N4BP2: variants seen among roughly 807,000 people sequenced by gnomAD.
N4BP2 encodes the protein NEDD4 binding protein 2, also known as NEDD4-binding protein 2.
N4BP2 carries 91 observed loss-of-function variants against 152.8 expected under a neutral mutation model. The ratio of observed to expected loss-of-function variants is 0.60; its 90% CI spans 0.50 to 0.71. N4BP2 has a LOEUF of 0.71. N4BP2 is among the 30% of genes least tolerant of loss of function. The pLI is 0.00. For missense variants in N4BP2, 1,923 were observed against 2,059.1 expected, an observed-to-expected ratio of 0.93 and a Z score of 1.28; for synonymous variants, 646 against 705.3, an observed-to-expected ratio of 0.92 and a Z score of 1.33.
intron 2 of N4BP2, among the ~76,000 whole-genome samples, chr4:40,093,184 T>G (rs1475842183): frequency 4.0e-5 from 6 of 151,758 alleles, no homozygotes; most frequent in Non-Finnish European, 7.4e-5. Flanking sequence ...CCTCAGGTGA[T>G]CCACCCGCCT....
At position 40,120,508 on chromosome 4, in the gene N4BP2, G is replaced by A; in HGVS notation, c.2397G>A (p.Gln799=). ...GDWPVDKTIG[Q]RTKRNRKTEK... ...GGCCAGTTGATAAGACTATTGGTCA[G>A]AGGACAAAAAGGAACAGAAAAACTG... Residue 799 remains glutamine, a synonymous_variant, in exon 9 of 18, where the codon CAG becomes CAA. Coordinates refer to ENST00000261435, the MANE Select transcript of N4BP2 (RefSeq NM_018177.6). 6.2e-7 allele frequency: 1 copy of A among 1,613,578 alleles called. No homozygotes were observed.
chr4:40,069,127 C>G (rs1319284731), intron 1 of N4BP2, among the ~76,000 whole-genome samples: 1 of 150,900 alleles, frequency 6.6e-6, no homozygotes, highest in Non-Finnish European at 1.5e-5. Flanking sequence ...CAAAAACAAA[C>G]AAAAACAAAA....
At chr4:40,181,081 C>T in the N4BP2 span, among the ~76,000 whole-genome samples, 1 of 152,142 alleles carries the variant, frequency 6.6e-6, no homozygotes, top group African/African-American at 2.4e-5. Context: ...ACCTGGGAGG[C>T]AGAGGTTGCA....
chr4:40,135,554 C>T (rs1221587530), intron 13 of N4BP2, among the ~76,000 whole-genome samples: 1 of 152,070 alleles, frequency 6.6e-6, no homozygotes, highest in African/African-American at 2.4e-5. Flanking sequence ...AACTAGTTTA[C>T]AGTCTTTCTT....
chr4:40,076,582 G>A (rs974745362), intron 2 of N4BP2, among the ~76,000 whole-genome samples: 1 of 151,982 alleles, frequency 6.6e-6, no homozygotes, highest in Non-Finnish European at 1.5e-5. Context: ...TCCGCCTCCT[G>A]GGTTCATGCC....
chr4:40,117,783 T>C, intron 7 of N4BP2, 86 bp from the exon 8 acceptor site: 1 of 1,137,088 alleles, frequency 8.8e-7, no homozygotes, highest in Non-Finnish European at 1.2e-6. Context: ...TAGAAATATA[T>C]TATTGTTTTC....
At position 40,120,211 on chromosome 4, in the gene N4BP2, C is replaced by T. The variant is rs61748747; in HGVS notation, c.2100C>T (p.Asn700=). ...TACAGGCAACAGACAAAAGTGAAAA[C>T]GAGCAAATAGAAATGGTGGCTGTAA... The part of the protein sequence containing the change: ...SKLQATDKSE[N]EQIEMVAVKG... The change falls in exon 9 of 18, where the codon AAC becomes AAT. Residue 700 remains asparagine (N), a synonymous_variant. Coordinates refer to ENST00000261435, the MANE Select transcript of N4BP2 (RefSeq NM_018177.6). 907 of 1,613,546 alleles carry T rather than the reference C, an allele frequency of 5.6e-4. 1 individual carries two copies. Among genetic ancestry groups the T allele is most frequent in the South Asian group, 1.1e-3 (100 of 91,078 alleles).
chr4:40,079,012 C>T (rs184287327), intron 2 of N4BP2, among the ~76,000 whole-genome samples: 5 of 152,056 alleles, frequency 3.3e-5, no homozygotes, highest in Non-Finnish European at 7.4e-5. Flanking sequence ...AATGCAGTGG[C>T]GCGATCTCAA....
chr4:40,111,522 T>C (rs1716883797), intron 5 of N4BP2, among the ~76,000 whole-genome samples: 1 of 152,152 alleles, frequency 6.6e-6, no homozygotes, highest in Non-Finnish European at 1.5e-5. Context: ...GGTTTCAATA[T>C]GTTGGCCAGG....
In N4BP2 at chr4:40,141,376, A is replaced by G. The variant is rs868420153; in HGVS notation, c.4786-1297A>G. ...GGTCTCCTCACTTCTCAGACGGGGCAGCCGGGCAGAGACGCTCCTCACCTC... is the reference window on the plus strand; with the variant it reads ...GGTCTCCTCACTTCTCAGACGGGGCGGCCGGGCAGAGACGCTCCTCACCTC... On this transcript the variant is annotated intron_variant, in intron 14 of 17. Coordinates refer to ENST00000261435, the MANE Select transcript of N4BP2 (RefSeq NM_018177.6). 4.2e-3 allele frequency among the ~76,000 whole-genome samples: 513 copies of G among 122,504 alleles called. 1 individual carries two copies. Among genetic ancestry groups the G allele is most frequent in the African/African-American group, 0.011 (372 of 32,850 alleles). 80.4% of individuals were successfully genotyped at this position (122,504 alleles called of 152,430 possible).
rs778598272 is a variant in N4BP2 at position 40,120,426 on chromosome 4, G to A, written c.2315G>A (p.Ser772Asn). 1 of 1,613,776 alleles carries A rather than the reference G, an allele frequency of 6.2e-7. No homozygotes were observed. Among genetic ancestry groups the A allele is most frequent in the Non-Finnish European group, 8.5e-7 (1 of 1,180,002 alleles). ...VTKKAFGKQKSKSTLEKFPRH... is the reference protein window; with the variant it reads ...VTKKAFGKQKNKSTLEKFPRH... The stretch of plus-strand genomic sequence containing the variant: ...AAAAAAGCCTTTGGGAAACAAAAAA[G>A]CAAATCGACTTTGGAAAAGTTCCCA... Residue 772 changes from serine (S) to asparagine (N), a missense_variant, in exon 9 of 18, where the codon AGC (serine) becomes AAC (asparagine). Coordinates refer to ENST00000261435, the MANE Select transcript of N4BP2 (RefSeq NM_018177.6).
At chr4:40,116,029 TTTA>T (rs1342663801) in intron 7 of N4BP2, among the ~76,000 whole-genome samples, 1 of 152,122 alleles carries the variant, frequency 6.6e-6, no homozygotes, top group African/African-American at 2.4e-5. Context: ...AATTGAACCT[TTTA>T]TTATTTTCTA....
chr4:40,078,452 T>C (rs948686046), intron 2 of N4BP2, among the ~76,000 whole-genome samples: 12 of 151,822 alleles, frequency 7.9e-5, no homozygotes, highest in Middle Eastern at 3.4e-3. Flanking sequence ...TTCCTAAATA[T>C]TTAATGGTTT....
At position 40,132,242 on chromosome 4, in the gene N4BP2, C is replaced by G. The variant is rs898889860; in HGVS notation, c.4646+323C>G. Among the ~76,000 whole-genome samples the G allele has an allele frequency of 1.6e-4, 25 of 152,206 alleles. No homozygotes were observed. The East Asian group carries it at 4.6e-3, about 28-fold the overall frequency. On this transcript the variant is annotated intron_variant, in intron 13 of 17. Coordinates refer to ENST00000261435, the MANE Select transcript of N4BP2 (RefSeq NM_018177.6). ...AATATAAGTTATGTAAACATGGTCT[C>G]TCTCTCTGTGTCTCAAAATACAGTT...
chr4:40,174,729 G>GAGGC, the N4BP2 span, among the ~76,000 whole-genome samples: 2 of 152,122 alleles, frequency 1.3e-5, no homozygotes, highest in Non-Finnish European at 2.9e-5. Flanking sequence ...TTGAGCCTGG[G>GAGGC]AGGCAGGGGT....
chr4:40,138,177 C>CT (rs898507001), intron 14 of N4BP2, among the ~76,000 whole-genome samples: 1 of 152,172 alleles, frequency 6.6e-6, no homozygotes, highest in Non-Finnish European at 1.5e-5. Context: ...TTTGCATTTC[C>CT]TTGATGACTA....
chr4:40,074,339 C>T (rs1173611544), intron 2 of N4BP2, among the ~76,000 whole-genome samples: 1 of 152,050 alleles, frequency 6.6e-6, no homozygotes, highest in East Asian at 1.9e-4. Context: ...GATCCACCCA[C>T]TTTGACCTCC....
intron 2 of N4BP2, among the ~76,000 whole-genome samples, chr4:40,074,931 T>C (rs554536691): frequency 6.6e-6 from 1 of 151,924 alleles, no homozygotes; most frequent in Admixed American, 6.6e-5. Flanking sequence ...TGCTTGAGCC[T>C]GGGAGGCAGA....
At chr4:40,087,410 C>T (rs1209298747) in intron 2 of N4BP2, among the ~76,000 whole-genome samples, 2 of 152,086 alleles carry the variant, frequency 1.3e-5, no homozygotes, top group Admixed American at 6.6e-5. Context: ...GTCACCTAGG[C>T]TGGAGAGCAG....
Sources: allele counts gnomAD v4.1 joint callset (sites outside exome capture counted in the v4.1 genomes callset), GRCh38; gene constraint gnomAD v4.1.1; transcripts MANE v1.5; gene names NCBI Gene and HGNC (gene_info 2026-07-23, HGNC 2026-07-21).